The following MAST4 variants were observed in gnomAD, a reference collection of about 807,000 sequenced individuals.
MAST4 encodes microtubule-associated serine/threonine-protein kinase 4.
In MAST4, 89 loss-of-function variants were observed where a neutral mutation model predicts 162.7. The observed-to-expected ratio is 0.55, with a 90% CI of 0.46 to 0.65. The LOEUF (loss-of-function observed/expected upper bound fraction) is 0.65. MAST4 is among the 30% of genes least tolerant of loss of function. The pLI is 0.00. For synonymous variants in MAST4, 1,479 were observed against 1,361.1 expected (o/e 1.09, Z -1.91); for missense variants, 3,153 against 3,374.0 (o/e 0.93, Z 1.62).
intron 1 of MAST4, among the ~76,000 whole-genome samples, chr5:66,600,217 A>G (rs1189115303): frequency 6.6e-6 from 1 of 152,210 alleles, no homozygotes; most frequent in African/African-American, 2.4e-5. Context: ...CAAACACATG[A>G]CAGCTAGACA....
intron 10 of MAST4, among the ~76,000 whole-genome samples, chr5:67,107,429 A>G (rs1561661259): frequency 1.3e-5 from 2 of 152,246 alleles, no homozygotes; most frequent in African/African-American, 2.4e-5. Context: ...CTTGTTGGGC[A>G]TAAATAAGAA....
chr5:66,626,578 T>A (rs983786411), intron 1 of MAST4, among the ~76,000 whole-genome samples: 1 of 152,212 alleles, frequency 6.6e-6, no homozygotes, highest in Non-Finnish European at 1.5e-5. Context: ...CATTTGCAAA[T>A]TGTTTCCCAA....
intron 1 of MAST4, among the ~76,000 whole-genome samples, chr5:66,675,606 G>A (rs1747894941): frequency 6.6e-6 from 1 of 152,128 alleles, no homozygotes; most frequent in Admixed American, 6.6e-5. Flanking sequence ...TCTCCAGGGA[G>A]TGATCCTGGG....
At chr5:67,074,095 A>T (rs549727528) in intron 5 of MAST4, among the ~76,000 whole-genome samples, 2 of 152,158 alleles carry the variant, frequency 1.3e-5, no homozygotes, top group East Asian at 3.9e-4. Flanking sequence ...AGTCATAAAG[A>T]GCTTTTTTTA....
chr5:66,985,430 A>G (rs1036985702), intron 4 of MAST4, among the ~76,000 whole-genome samples: 2 of 152,122 alleles, frequency 1.3e-5, no homozygotes, highest in African/African-American at 4.8e-5. Flanking sequence ...GGGGCCCTAG[A>G]TTTTCCTGCT....
chr5:66,645,193 T>C (rs1310780575), intron 1 of MAST4, among the ~76,000 whole-genome samples: 1 of 152,152 alleles, frequency 6.6e-6, no homozygotes, highest in East Asian at 1.9e-4. Flanking sequence ...ATTTTGCAGA[T>C]GATAAAACTA....
At chr5:66,901,824 G>C (rs1004877578) in intron 4 of MAST4, among the ~76,000 whole-genome samples, 1 of 152,120 alleles carries the variant, frequency 6.6e-6, no homozygotes, top group Non-Finnish European at 1.5e-5. Flanking sequence ...TCATATAGCT[G>C]TGCTAGAACC....
chr5:66,865,902 C>A (rs1760478434), intron 3 of MAST4, among the ~76,000 whole-genome samples: 1 of 151,890 alleles, frequency 6.6e-6, no homozygotes, highest in South Asian at 2.1e-4. Context: ...TGGTGAAATC[C>A]CATCTTTACC....
At chr5:67,042,335 G>A (rs922181357) in intron 4 of MAST4, among the ~76,000 whole-genome samples, 8 of 152,198 alleles carry the variant, frequency 5.3e-5, no homozygotes, top group African/African-American at 1.9e-4. Context: ...TGAATACTGA[G>A]CATCTTAAAG....
At chr5:66,721,352 C>T (rs957067647) in intron 1 of MAST4, among the ~76,000 whole-genome samples, 5 of 152,098 alleles carry the variant, frequency 3.3e-5, no homozygotes, top group African/African-American at 4.8e-5. Context: ...TCATAATCAC[C>T]GCTCTCCACT....
chr5:66,897,397 TTGACGTC>T (rs1762753561), intron 3 of MAST4, among the ~76,000 whole-genome samples: 1 of 152,254 alleles, frequency 6.6e-6, no homozygotes, highest in African/African-American at 2.4e-5. Flanking sequence ...ATGCCGTTCA[TTGACGTC>T]TGACAGGTGC....
chr5:67,027,783 T>A (rs1386762777), intron 4 of MAST4, among the ~76,000 whole-genome samples: 1 of 152,196 alleles, frequency 6.6e-6, no homozygotes, highest in Admixed American at 6.5e-5. Flanking sequence ...AGCTACTCTT[T>A]AGGATAGGAT....
At chr5:66,962,465 C>T (rs114019841) in intron 4 of MAST4, among the ~76,000 whole-genome samples, 1,551 of 152,244 alleles carry the variant, frequency 0.01, 25 homozygotes, top group African/African-American at 0.035. Context: ...CCCAGCACTT[C>T]GAGAGGCTGA....
At chr5:67,058,123 T>C (rs1160848339) in intron 5 of MAST4, among the ~76,000 whole-genome samples, 1 of 151,876 alleles carries the variant, frequency 6.6e-6, no homozygotes, top group Non-Finnish European at 1.5e-5. Flanking sequence ...TGGTCCCAGC[T>C]ACTCAGGAGG....
At chr5:66,707,016 C>G (rs189218717) in intron 1 of MAST4, among the ~76,000 whole-genome samples, 1 of 150,588 alleles carries the variant, frequency 6.6e-6, no homozygotes, top group East Asian at 1.9e-4. Flanking sequence ...CAGGAACTTT[C>G]GAAGCTTTGT....
chr5:67,156,678 G>A (rs1004870149), intron 26 of MAST4, among the ~76,000 whole-genome samples: 1 of 152,254 alleles, frequency 6.6e-6, no homozygotes, highest in African/African-American at 2.4e-5. Flanking sequence ...AGGTATACAA[G>A]TGAACCAGCA....
rs567271905 is a variant in MAST4, at chr5:66,712,026, T to C, written c.364-47683T>C. Among the ~76,000 whole-genome samples, 86 of 152,330 alleles carry C rather than the reference T, an allele frequency of 5.6e-4. 1 individual carries two copies. The highest frequency in any genetic ancestry group is 1.9e-3 in the South Asian group (9 of 4,830). ...GCCATTTTTCAGATTGCCATACCTG[T>C]TGTGTGAAGATACTATCATTTATCC... On this transcript the variant is annotated intron_variant, in intron 1 of 28. Transcript: ENST00000403625.
At chr5:66,983,042 C>T (rs775085002) in intron 4 of MAST4, among the ~76,000 whole-genome samples, 11 of 152,176 alleles carry the variant, frequency 7.2e-5, no homozygotes, top group Non-Finnish European at 1.3e-4. Context: ...ATTTAGGAAG[C>T]TAAGTGGTGA....
At chr5:66,973,393 T>C (rs1177268090) in intron 4 of MAST4, among the ~76,000 whole-genome samples, 2 of 152,198 alleles carry the variant, frequency 1.3e-5, no homozygotes, top group African/African-American at 2.4e-5. Flanking sequence ...ATACTGTCTT[T>C]CTTCTTCCCT....
Sources: allele counts gnomAD v4.1 joint callset (sites outside exome capture counted in the v4.1 genomes callset), GRCh38; gene constraint gnomAD v4.1.1; transcripts MANE v1.5; gene names NCBI Gene and HGNC (gene_info 2026-07-23, HGNC 2026-07-21).